CDH12: variants seen among roughly 807,000 people sequenced by gnomAD.
The protein encoded by CDH12 is cadherin 12.
Under a neutral mutation model 74.1 loss-of-function variants are expected in CDH12, and 41 were observed. That is an observed-to-expected ratio of 0.55 (90% CI 0.43 to 0.72). The LOEUF is 0.72. Ranked by LOEUF, CDH12 falls within the 30% of genes least tolerant of loss-of-function variation. The pLI is 0.00. For missense variants in CDH12, 945 were observed against 977.2 expected, an observed-to-expected ratio of 0.97 and a Z score of 0.44; for synonymous variants, 399 against 355.0, an observed-to-expected ratio of 1.12 and a Z score of -1.39.
At chr5:22,385,519 A>G (rs556673393) in intron 3 of CDH12, among the ~76,000 whole-genome samples, 1 of 152,316 alleles carries the variant, frequency 6.6e-6, no homozygotes, top group Non-Finnish European at 1.5e-5. Flanking sequence ...CAACCTCAAC[A>G]TTTGACAATC....
chr5:22,292,312 G>T (rs1256118806), intron 3 of CDH12, among the ~76,000 whole-genome samples: 2 of 147,550 alleles, frequency 1.4e-5, no homozygotes, highest in Admixed American at 6.8e-5. Flanking sequence ...CTTTTTTTTG[G>T]TTGTTGCTTT....
intron 1 of CDH12, among the ~76,000 whole-genome samples, chr5:22,680,424 C>T (rs949642170): frequency 1.3e-5 from 2 of 151,906 alleles, no homozygotes; most frequent in African/African-American, 2.4e-5. Context: ...TACATTGTAT[C>T]TTCTCTTTTG....
chr5:22,278,781 A>G (rs1458652879), intron 3 of CDH12, among the ~76,000 whole-genome samples: 1 of 152,172 alleles, frequency 6.6e-6, no homozygotes, highest in East Asian at 1.9e-4. Flanking sequence ...CTGAAGAATA[A>G]ATAATTTTGC....
intron 3 of CDH12, among the ~76,000 whole-genome samples, chr5:22,350,720 G>T (rs1580551882): frequency 6.6e-6 from 1 of 152,214 alleles, no homozygotes; most frequent in Non-Finnish European, 1.5e-5. Context: ...GTAGTAATTT[G>T]AAAGTCATAA....
intron 1 of CDH12, among the ~76,000 whole-genome samples, chr5:22,522,078 T>A (rs1248940277): frequency 6.6e-6 from 1 of 152,198 alleles, no homozygotes; most frequent in Non-Finnish European, 1.5e-5. Context: ...ATCAACAGCC[T>A]TACACACTAA....
intron 3 of CDH12, among the ~76,000 whole-genome samples, chr5:22,376,563 A>C (rs982502375): frequency 1.3e-5 from 2 of 151,812 alleles, no homozygotes; most frequent in African/African-American, 4.8e-5. Context: ...ACAGGGTCTC[A>C]CTCTGTCATC....
At chr5:22,797,074 G>T (rs1359590687) in intron 1 of CDH12, among the ~76,000 whole-genome samples, 1 of 150,010 alleles carries the variant, frequency 6.7e-6, no homozygotes, top group African/African-American at 2.4e-5. Flanking sequence ...TTTGTGTCAC[G>T]CTCAAATTCC....
At chr5:21,972,596 T>A (rs1399384207) in intron 6 of CDH12, among the ~76,000 whole-genome samples, 1 of 152,116 alleles carries the variant, frequency 6.6e-6, no homozygotes, top group Non-Finnish European at 1.5e-5. Context: ...GGAACATAGA[T>A]GTAAGTTCTG....
intron 1 of CDH12, among the ~76,000 whole-genome samples, chr5:22,637,571 G>A (rs1738906195): frequency 6.6e-6 from 1 of 152,234 alleles, no homozygotes; most frequent in South Asian, 2.1e-4. Flanking sequence ...AAATTGCCCA[G>A]ACAGAACAGC....
At chr5:22,839,304 G>A (rs1395063781) in intron 1 of CDH12, among the ~76,000 whole-genome samples, 1 of 150,010 alleles carries the variant, frequency 6.7e-6, no homozygotes, top group African/African-American at 2.5e-5. Flanking sequence ...CTCTGTGCAT[G>A]TGTATGCATG....
chr5:22,006,154 A>G (rs1184983201), intron 5 of CDH12, among the ~76,000 whole-genome samples: 1 of 151,486 alleles, frequency 6.6e-6, no homozygotes, highest in Non-Finnish European at 1.5e-5. Flanking sequence ...GGGTAACTCT[A>G]TGTCTGTGTT....
At chr5:22,057,035 TTG>T (rs1273061786) in intron 5 of CDH12, among the ~76,000 whole-genome samples, 2 of 152,208 alleles carry the variant, frequency 1.3e-5, no homozygotes, top group Non-Finnish European at 2.9e-5. Flanking sequence ...TGTGATCCTG[TTG>T]TGTCACTTGT....
At chr5:22,386,083 G>A (rs960911897) in intron 3 of CDH12, among the ~76,000 whole-genome samples, 1 of 151,924 alleles carries the variant, frequency 6.6e-6, no homozygotes, top group African/African-American at 2.4e-5. Context: ...GTAGAGATGA[G>A]GTTTCACCAT....
rs549584527 is a variant in CDH12, at chr5:21,783,423, G to A, written c.1328C>T (p.Thr443Ile). 476 of 1,609,228 alleles carry A rather than the reference G, an allele frequency of 3.0e-4. 2 individuals carry two copies. In the South Asian group the frequency reaches 5.0e-3, roughly 17 times the overall value. ...TIDGNEGTIA[T>I]NELLDRESTA... Reference sequence around the variant, plus strand: ...GCTTTCTCTGTCTAGTAATTCATTAGTGGCGATGGTTCCTTCATTTCCATC... The same window carrying A: ...GCTTTCTCTGTCTAGTAATTCATTAATGGCGATGGTTCCTTCATTTCCATC... The change falls in exon 11 of 15, where the codon ACT (threonine) becomes ATT (isoleucine). Residue 443 changes from threonine (T) to isoleucine (I), a missense_variant. Physicochemically the swap from Thr to Ile is moderately conservative, Grantham distance 89. This residue lies in a region of CDH12 where 791 missense variants were observed against 792.8 expected (regional missense o/e 1.00). Transcript: ENST00000382254.
intron 1 of CDH12, among the ~76,000 whole-genome samples, chr5:22,543,142 A>C (rs560693936): frequency 6.6e-6 from 1 of 152,240 alleles, no homozygotes; most frequent in East Asian, 1.9e-4. Flanking sequence ...ATTCCACCTT[A>C]AATGCCAAAT....
chr5:22,037,538 C>T (rs1484725726), intron 5 of CDH12, among the ~76,000 whole-genome samples: 3 of 152,134 alleles, frequency 2.0e-5, no homozygotes, highest in East Asian at 1.9e-4. Context: ...GATTTTTTTC[C>T]TGTTCAGACT....
At chr5:22,236,411 T>G (rs1009214432) in intron 3 of CDH12, among the ~76,000 whole-genome samples, 1 of 152,204 alleles carries the variant, frequency 6.6e-6, no homozygotes. Context: ...TTCATTTTAT[T>G]TTAAACTTTT....
At chr5:22,196,371 T>G (rs2150350811) in intron 4 of CDH12, among the ~76,000 whole-genome samples, 1 of 152,020 alleles carries the variant, frequency 6.6e-6, no homozygotes, top group Middle Eastern at 3.4e-3. Flanking sequence ...TCTCGATCTC[T>G]CGACCTCATG....
chr5:22,272,433 A>G (rs554612363), intron 3 of CDH12, among the ~76,000 whole-genome samples: 1 of 152,292 alleles, frequency 6.6e-6, no homozygotes, highest in South Asian at 2.1e-4. Context: ...CTTTATTTTC[A>G]TTCATGTATT....
Sources: allele counts gnomAD v4.1 joint callset (sites outside exome capture counted in the v4.1 genomes callset), GRCh38; gene constraint gnomAD v4.1.1; regional missense constraint gnomAD v4.1.1; transcripts MANE v1.5; gene names NCBI Gene and HGNC (gene_info 2026-07-23, HGNC 2026-07-21).